Variants in CHRNG observed in about 807,000 individuals in gnomAD.
CHRNG encodes the protein acetylcholine receptor subunit gamma.
In CHRNG, 72 loss-of-function variants were observed where a neutral mutation model predicts 65.2. The ratio of observed to expected loss-of-function variants is 1.10; its 90% CI spans 0.91 to 1.34. The LOEUF is 1.34. CHRNG is among the 40% of genes most tolerant of loss of function. CHRNG has a pLI of 0.00. For missense variants in CHRNG, 637 were observed against 680.1 expected, an observed-to-expected ratio of 0.94 and a Z score of 0.70; for synonymous variants, 284 against 290.2, an observed-to-expected ratio of 0.98 and a Z score of 0.22.
intron 8 of CHRNG, 90 bp downstream of exon 8, chr2:232,543,479 C>T (rs1468156569): frequency 1.7e-6 from 2 of 1,179,064 alleles, no homozygotes; most frequent in Admixed American, 2.1e-5. Flanking sequence ...GCCCTCCATC[C>T]ACCCCCCCCA....
chr2:232,541,524 C>A lies in CHRNG; in HGVS notation c.501C>A (p.Ile167=). 6.2e-7 allele frequency: 1 copy of A among 1,613,790 alleles called. No individual in the cohort carries two copies. Among genetic ancestry groups the A allele is most frequent in the South Asian group, 1.1e-5 (1 of 91,068 alleles). Residue 167 remains isoleucine (I), a synonymous_variant, in exon 5 of 12, where the codon ATC becomes ATA. Coordinates refer to ENST00000651502, the MANE Select transcript of CHRNG (RefSeq NM_005199.5). The surrounding 1 kb of genome is among the most constrained non-coding windows in gnomAD (Gnocchi z 4.0). ...TCGACTGGCAGAACTGCTCCCTTAT[C>A]TTCCAGTGAGGCCATTTATTGGGGA... is the stretch of plus-strand genomic sequence containing the variant. ...FPFDWQNCSL[I]FQSQTYSTNE...
chr2:232,541,620 T>A lies in CHRNG; in HGVS notation c.506+91T>A. ...AAGGCCTGGGCAAGGCTTCTGGCCT[T>A]GGCTCTGGCAGCACCTAGAGGCCTG... On this transcript the variant is annotated intron_variant, in intron 5 of 11. Coordinates refer to ENST00000651502, the MANE Select transcript of CHRNG (RefSeq NM_005199.5). This position sits in a 1 kb window ranked among gnomAD's most constrained non-coding sequence, Gnocchi z 4.0. 6.6e-7 allele frequency: 1 copy of A among 1,510,226 alleles called. No homozygotes were observed. Among genetic ancestry groups the A allele is most frequent in the Non-Finnish European group, 9.1e-7 (1 of 1,098,428 alleles). 93.6% of individuals were successfully genotyped at this position (1,510,226 alleles called of 1,614,324 possible). A position where few individuals can be genotyped will look rare whatever the true frequency, so the allele number is the denominator to read the frequency against.
In CHRNG at chr2:232,544,910, G is replaced by C. The variant is rs201178274; in HGVS notation, c.1380+8G>C. On this transcript the variant is annotated splice_region_variant and intron_variant, in intron 11 of 11. Coordinates refer to ENST00000651502, the MANE Select transcript of CHRNG (RefSeq NM_005199.5). ...CAGAGTCACTTTGACAATGTAAGCTGAGTCAGGGTGGGGTGGAGGTGGAGT... is the reference window on the plus strand; with the variant it reads ...CAGAGTCACTTTGACAATGTAAGCTCAGTCAGGGTGGGGTGGAGGTGGAGT... The C allele has an allele frequency of 1.2e-6, 2 of 1,613,916 alleles. No homozygotes were observed. Among genetic ancestry groups the C allele is most frequent in the Non-Finnish European group, 1.7e-6 (2 of 1,180,008 alleles).
chr2:232,540,418 T>A lies in CHRNG; in HGVS notation c.233T>A (p.Ile78Lys). 1 of 1,613,918 alleles carries A rather than the reference T, an allele frequency of 6.2e-7. No individual in the cohort carries two copies. The highest frequency in any genetic ancestry group is 8.5e-7 in the Non-Finnish European group (1 of 1,179,956). The change falls in exon 3 of 12, where the codon ATA becomes AAA. Residue 78 changes from isoleucine to lysine, a missense_variant. By Grantham distance (102) the Ile-to-Lys change is moderately radical. Transcript: ENST00000651502. The surrounding 1 kb of genome is among the most constrained non-coding windows in gnomAD (Gnocchi z 4.2). ...GAAGCCCTCACCACCAATGTCTGGA[T>A]AGAGATGGTAAGAGGCCACCCTGCC... ...REEALTTNVW[I>K]EMQWCDYRLR... is the part of the protein sequence containing the mutation.
chr2:232,543,155 T>C, intron 7 of CHRNG, 73 bp downstream of exon 7: 3 of 1,552,174 alleles, frequency 1.9e-6, no homozygotes, highest in African/African-American at 2.7e-5. Flanking sequence ...GGGCCCTGCC[T>C]GGGGAACAGA....
Position 232,545,898 on chromosome 2 carries a change from T to G in CHRNG, c.*182T>G, listed in dbSNP as rs1178607527. 5.4e-6 allele frequency: 4 copies of G among 745,126 alleles called. No individual in the cohort carries two copies. The highest frequency in any genetic ancestry group is 1.7e-5 in the African/African-American group (1 of 58,126). The allele number at this position is 745,126 out of a possible 1,614,324, so 46.2% of individuals were successfully genotyped here. A position where few individuals can be genotyped will look rare whatever the true frequency, so the allele number is the denominator to read the frequency against. On this transcript the variant is annotated 3_prime_UTR_variant, in exon 12 of 12. Coordinates refer to ENST00000651502, the MANE Select transcript of CHRNG (RefSeq NM_005199.5). ...GTCTGAGCTGGAGTCCGAGAGTGGT[T>G]GGGGGTGGGCCGTGGCTAGTGTCCT...
In CHRNG at chr2:232,540,297, G is replaced by A; in HGVS notation, c.196-84G>A. 3 of 1,602,026 alleles carry A rather than the reference G, an allele frequency of 1.9e-6. No homozygotes were observed. Among genetic ancestry groups the A allele is most frequent in the Non-Finnish European group, 2.6e-6 (3 of 1,169,166 alleles). ...GGGGAGTACTATCAAGAGGCTGGGG[G>A]ATGCTTGGCCCCATTGGTGGCCTGT... On this transcript the variant is annotated intron_variant, in intron 2 of 11. Coordinates refer to ENST00000651502, the MANE Select transcript of CHRNG (RefSeq NM_005199.5). The surrounding 1 kb of genome is among the most constrained non-coding windows in gnomAD (Gnocchi z 4.2).
rs1489026386 is a variant in CHRNG at position 232,545,900 on chromosome 2, G to C, written c.*184G>C. On this transcript the variant is annotated 3_prime_UTR_variant, in exon 12 of 12. Coordinates refer to ENST00000651502, the MANE Select transcript of CHRNG (RefSeq NM_005199.5). ...CTGAGCTGGAGTCCGAGAGTGGTTG[G>C]GGGTGGGCCGTGGCTAGTGTCCTGC... The C allele has an allele frequency of 1.4e-6, 1 of 731,430 alleles. No individual in the cohort carries two copies. Among genetic ancestry groups the C allele is most frequent in the Admixed American group, 2.1e-5 (1 of 48,492 alleles). The allele number at this position is 731,430 out of a possible 1,614,324, so 45.3% of individuals were successfully genotyped here.
chr2:232,544,524 T>A lies in CHRNG; in HGVS notation c.1193T>A (p.Leu398His), dbSNP rs770113355. The change falls in exon 10 of 12, where the codon CTC becomes CAC. Residue 398 changes from leucine (L) to histidine (H), a missense_variant. Transcript: ENST00000651502. ...GCCCTCTGCCTGCCTCGCAGTGAAC[T>A]CCTCTTCCAGCAGTGGCAGCGGCAA... is the stretch of plus-strand genomic sequence containing the variant. ...EVALCLPRSE[L>H]LFQQWQRQGL... The A allele has an allele frequency of 5.0e-6, 8 of 1,613,634 alleles. No homozygotes were observed. The East Asian group carries it at 1.8e-4, about 36-fold the overall frequency.
rs756116890 is a variant in CHRNG, at chr2:232,545,708, C to G, written c.1546C>G (p.Pro516Ala). The change falls in exon 12 of 12, where the codon CCA becomes GCA. Residue 516 changes from proline to alanine, a missense_variant. Pro to Ala is a conservative substitution (Grantham distance 27, BLOSUM62 -1). Transcript: ENST00000651502. Reference protein sequence around the residue: ...PGDPRPYLPSPD With the variant: ...PGDPRPYLPSAD ...AGATCCACGCCCCTACCTGCCCTCA[C>G]CAGACTGAGCCAACCAACCACTGTG... The G allele has an allele frequency of 6.2e-7, 1 of 1,614,148 alleles. No homozygotes were observed. Among genetic ancestry groups the G allele is most frequent in the East Asian group, 2.2e-5 (1 of 44,886 alleles).
Position 232,540,736 on chromosome 2 carries a change from T to C in CHRNG, c.350+25T>C. The C allele has an allele frequency of 1.3e-6, 2 of 1,586,326 alleles. No homozygotes were observed. Among genetic ancestry groups the C allele is most frequent in the Non-Finnish European group, 1.7e-6 (2 of 1,164,290 alleles). On this transcript the variant is annotated intron_variant, in intron 4 of 11. Transcript: ENST00000651502. The surrounding 1 kb of genome is among the most constrained non-coding windows in gnomAD (Gnocchi z 4.2). ...AGTGAGGAGGGGGTGCAGGCAGGGG[T>C]GTGGGGGACAAAGGACACAGGGTCT...
intron 5 of CHRNG, among the ~76,000 whole-genome samples, chr2:232,542,046 A>G (rs1489661290): frequency 4.6e-5 from 7 of 152,142 alleles, no homozygotes; most frequent in Non-Finnish European, 7.4e-5. Flanking sequence ...TCTTTCCATG[A>G]GCAAACCTGG....
Position 232,541,840 on chromosome 2 carries a change from G to C in CHRNG, c.506+311G>C, listed in dbSNP as rs900374210. ...ACATGCACACAAGATGCGTGTCTGC[G>C]CACACACGAAACCACTGCACACTCC... On this transcript the variant is annotated intron_variant, in intron 5 of 11. Coordinates refer to ENST00000651502, the MANE Select transcript of CHRNG (RefSeq NM_005199.5). This position sits in a 1 kb window ranked among gnomAD's most constrained non-coding sequence, Gnocchi z 4.0. 2.1e-6 allele frequency: 1 copy of C among 470,356 alleles called. No individual in the cohort carries two copies. Among genetic ancestry groups the C allele is most frequent in the Non-Finnish European group, 3.9e-6 (1 of 254,428 alleles). The allele number at this position is 470,356 out of a possible 1,614,324, so 29.1% of individuals were successfully genotyped here.
intron 1 of CHRNG, 69 bp downstream of exon 1, chr2:232,539,871 G>C (rs543136408): frequency 6.2e-7 from 1 of 1,608,696 alleles, no homozygotes; most frequent in South Asian, 1.1e-5. Flanking sequence ...GGGATGGAGG[G>C]TCTGAGGGGT....
rs1328953878 is a variant in CHRNG at position 232,548,002 on chromosome 2, T to C, written c.*2286T>C. 8 of 463,906 alleles carry C rather than the reference T, an allele frequency of 1.7e-5. No homozygotes were observed. Among genetic ancestry groups the C allele is most frequent in the Admixed American group, 1.3e-4 (3 of 23,946 alleles). The allele number at this position is 463,906 out of a possible 1,614,324, so 28.7% of individuals were successfully genotyped here. On this transcript the variant is annotated 3_prime_UTR_variant, in exon 12 of 12. Transcript: ENST00000651502. Reference sequence around the variant, plus strand: ...GGTTTCCCAATGCATATAAAAGTTATGTTTACACTATACTGTAGACCAGCA... The same window carrying C: ...GGTTTCCCAATGCATATAAAAGTTACGTTTACACTATACTGTAGACCAGCA...
chr2:232,545,824 C>A lies in CHRNG; in HGVS notation c.*108C>A. ...CCTAAGTGTGCTCTTTGGGAAGTGC[C>A]CTTCAGGACTGTGTGAGCCAAACAG... On this transcript the variant is annotated 3_prime_UTR_variant, in exon 12 of 12. Coordinates refer to ENST00000651502, the MANE Select transcript of CHRNG (RefSeq NM_005199.5). The A allele has an allele frequency of 7.9e-7, 1 of 1,269,156 alleles. No individual in the cohort carries two copies. The highest frequency in any genetic ancestry group is 1.1e-6 in the Non-Finnish European group (1 of 880,094). 78.6% of individuals were successfully genotyped at this position (1,269,156 alleles called of 1,614,324 possible).
At chr2:232,545,385 G>A (rs1285168263) in intron 11 of CHRNG, among the ~76,000 whole-genome samples, 158 bp from the exon 12 acceptor site, 1 of 152,054 alleles carries the variant, frequency 6.6e-6, no homozygotes, top group Admixed American at 6.5e-5. Context: ...TCAGGGCCAG[G>A]GGGCCATGGA....
Position 232,541,282 on chromosome 2 carries a change from C to A in CHRNG, c.351-92C>A. ...TGGTAGGGACTGGTGTCCCCAGGCC[C>A]CTATCCACATGGGGCACAGGGGCTG... On this transcript the variant is annotated intron_variant, in intron 4 of 11. Transcript: ENST00000651502. The surrounding 1 kb of genome is among the most constrained non-coding windows in gnomAD (Gnocchi z 4.0). 2 of 1,526,062 alleles carry A rather than the reference C, an allele frequency of 1.3e-6. No homozygotes were observed. Among genetic ancestry groups the A allele is most frequent in the Non-Finnish European group, 1.8e-6 (2 of 1,105,516 alleles). The allele number at this position is 1,526,062 out of a possible 1,614,324, so 94.5% of individuals were successfully genotyped here. A position where few individuals can be genotyped will look rare whatever the true frequency, so the allele number is the denominator to read the frequency against.
At position 232,540,065 on chromosome 2, in the gene CHRNG, C is replaced by G. The variant is rs151276788; in HGVS notation, c.129C>G (p.Pro43=). The G allele has an allele frequency of 3.1e-6, 5 of 1,614,228 alleles. No homozygotes were observed. Among genetic ancestry groups the G allele is most frequent in the Non-Finnish European group, 3.4e-6 (4 of 1,180,026 alleles). ...AAAACTACGACCCCAACCTGCGGCC[C>G]GCGGAACGAGACTCGGATGTGGTCA... ...LMQNYDPNLR[P]AERDSDVVNV... Residue 43 remains proline (P), a synonymous_variant, in exon 2 of 12, where the codon CCC becomes CCG. Coordinates refer to ENST00000651502, the MANE Select transcript of CHRNG (RefSeq NM_005199.5). This position sits in a 1 kb window ranked among gnomAD's most constrained non-coding sequence, Gnocchi z 4.2.
Sources: allele counts gnomAD v4.1 joint callset (sites outside exome capture counted in the v4.1 genomes callset), GRCh38; gene constraint gnomAD v4.1.1; non-coding constraint Gnocchi (gnomAD v3.1); transcripts MANE v1.5; gene names NCBI Gene and HGNC (gene_info 2026-07-23, HGNC 2026-07-21).